Variants in VWA3B observed in about 807,000 individuals in gnomAD.
VWA3B encodes the protein von Willebrand factor A domain containing 3B, also known as von Willebrand factor A domain-containing protein 3B.
In VWA3B, 138 loss-of-function variants were observed where a neutral mutation model predicts 158.3. That is an observed-to-expected ratio of 0.87 (90% CI 0.76 to 1.00). The LOEUF is 1.00. Ranked by LOEUF, VWA3B falls within the 50% of genes least tolerant of loss-of-function variation. VWA3B has a pLI of 0.00. For synonymous variants in VWA3B, 596 were observed against 587.3 expected (o/e 1.01, Z -0.21); for missense variants, 1,555 against 1,565.1 (o/e 0.99, Z 0.11).
intron 14 of VWA3B, among the ~76,000 whole-genome samples, chr2:98,221,720 A>C (rs1241185256): frequency 6.6e-6 from 1 of 152,182 alleles, no homozygotes; most frequent in African/African-American, 2.4e-5. Flanking sequence ...CTGATCTCTC[A>C]TCCCTGAGTG....
Position 98,236,601 on chromosome 2 carries a change from G to A in VWA3B, c.2544G>A (p.Trp848Ter). 6.2e-7 allele frequency: 1 copy of A among 1,614,146 alleles called. No individual in the cohort carries two copies. Among genetic ancestry groups the A allele is most frequent in the Non-Finnish European group, 8.5e-7 (1 of 1,180,024 alleles). ...HDSSDVSSEN[W>*]LKTYGLVAKK... is the part of the protein sequence containing the mutation. ...CTTCAGATGTGTCTTCAGAAAACTG[G>A]CTGAAGACCTATGGCTTGGTCGCCA... Residue 848 changes from tryptophan (W) to a stop codon, truncating the protein, a stop_gained, in exon 19 of 28, where the codon TGG (tryptophan) becomes TGA (stop). Transcript: ENST00000477737. LOFTEE classifies it high-confidence loss of function.
the VWA3B span, among the ~76,000 whole-genome samples, chr2:98,320,519 G>A: frequency 1.3e-5 from 2 of 152,314 alleles, no homozygotes; most frequent in East Asian, 3.9e-4. Flanking sequence ...GAACTTCCTA[G>A]AGACTCATTG....
intron 22 of VWA3B, among the ~76,000 whole-genome samples, chr2:98,282,608 T>G (rs1688950544): frequency 6.6e-6 from 1 of 151,932 alleles, no homozygotes; most frequent in Non-Finnish European, 1.5e-5. Context: ...AGCTAATTTT[T>G]GTGTTTTTTT....
chr2:98,145,212 C>T (rs1677083958), intron 7 of VWA3B, among the ~76,000 whole-genome samples: 1 of 152,160 alleles, frequency 6.6e-6, no homozygotes, highest in African/African-American at 2.4e-5. Context: ...GACAAGATTC[C>T]TTGGATTGTA....
chr2:98,247,059 G>A (rs1179971551), intron 19 of VWA3B, among the ~76,000 whole-genome samples: 1 of 151,752 alleles, frequency 6.6e-6, no homozygotes, highest in Non-Finnish European at 1.5e-5. Context: ...GTGTAGTGGT[G>A]TGATCTCGGC....
chr2:98,322,990 A>G, the VWA3B span, among the ~76,000 whole-genome samples: 1 of 152,242 alleles, frequency 6.6e-6, no homozygotes, highest in South Asian at 2.1e-4. Context: ...CCACACACAC[A>G]CACACAAGAA....
At chr2:98,103,378 A>G (rs569670223) in intron 2 of VWA3B, among the ~76,000 whole-genome samples, 1 of 152,248 alleles carries the variant, frequency 6.6e-6, no homozygotes, top group African/African-American at 2.4e-5. Flanking sequence ...ATAAATTTAA[A>G]TAATTATTTT....
At chr2:98,129,224 A>AGAGTGTGTGT (rs1370543551) in intron 6 of VWA3B, among the ~76,000 whole-genome samples, 44 of 124,654 alleles carry the variant, frequency 3.5e-4, no homozygotes, top group African/African-American at 6.5e-4. Context: ...AGAGAGAGAG[A>AGAGTGTGTGT]GTGTGTGTGT....
chr2:98,256,057 G>A (rs1349586431), intron 20 of VWA3B, 67 bp from the exon 21 acceptor site: 9 of 1,583,602 alleles, frequency 5.7e-6, no homozygotes, highest in African/African-American at 2.7e-5. Context: ...GCGGTGCCTG[G>A]GGTTAACCTT....
intron 21 of VWA3B, among the ~76,000 whole-genome samples, chr2:98,265,541 A>G (rs368510910): frequency 6.6e-6 from 1 of 151,776 alleles, no homozygotes; most frequent in Admixed American, 6.6e-5. Context: ...TGATTTATAG[A>G]CCTTTGGGTA....
chr2:98,256,365 T>C (rs1038311385), intron 21 of VWA3B, among the ~76,000 whole-genome samples, 191 bp downstream of exon 21: 1 of 152,102 alleles, frequency 6.6e-6, no homozygotes, highest in African/African-American at 2.4e-5. Context: ...AATTAATCAC[T>C]CCCCATTCCT....
chr2:98,137,325 T>C (rs1222198745), intron 7 of VWA3B, among the ~76,000 whole-genome samples: 1 of 152,242 alleles, frequency 6.6e-6, no homozygotes, highest in Admixed American at 6.5e-5. Context: ...CTGTTTTTGA[T>C]AGTAGCCATC....
chr2:98,133,327 T>C (rs1189882498), intron 6 of VWA3B, among the ~76,000 whole-genome samples: 1 of 152,146 alleles, frequency 6.6e-6, no homozygotes, highest in East Asian at 1.9e-4. Flanking sequence ...GCCTGGCTCC[T>C]GGGGAAGTGT....
Position 98,188,109 on chromosome 2 carries a change from C to T in VWA3B, c.1446C>T (p.Ala482=). Residue 482 remains alanine, a synonymous_variant, in exon 10 of 28, where the codon GCC becomes GCT. Transcript: ENST00000477737. The part of the protein sequence containing the change: ...CKWYSERIHT[A]LARIRRRIKW... The stretch of plus-strand genomic sequence containing the variant: ...GGTACAGTGAGAGAATCCACACAGC[C>T]CTGGCCCGGATCCGAAGGAGGTTGG... 6.2e-7 allele frequency: 1 copy of T among 1,612,864 alleles called. No individual in the cohort carries two copies. The highest frequency in any genetic ancestry group is 2.2e-5 in the East Asian group (1 of 44,836).
At chr2:98,144,625 G>A (rs540339680) in intron 7 of VWA3B, among the ~76,000 whole-genome samples, 2 of 151,590 alleles carry the variant, frequency 1.3e-5, no homozygotes, top group Admixed American at 6.6e-5. Context: ...GTAGTGCAGT[G>A]GTGTGATCTC....
In VWA3B at chr2:98,228,249, T is replaced by A; in HGVS notation, c.2067T>A (p.Ser689Arg). ...TTAAGGAAATGGAACAGGGTCACAG[T>A]GATCTGGAGAAGATGCAAGACCTTT... is the stretch of plus-strand genomic sequence containing the variant. ...LLVKEMEQGH[S>R]DLEKMQDLYS... Residue 689 changes from serine to arginine, a missense_variant, in exon 15 of 28, where the codon AGT becomes AGA. Ser to Arg is a moderately radical substitution (Grantham distance 110). Transcript: ENST00000477737. 6.2e-7 allele frequency: 1 copy of A among 1,614,064 alleles called. No homozygotes were observed. Among genetic ancestry groups the A allele is most frequent in the Non-Finnish European group, 8.5e-7 (1 of 1,179,974 alleles).
At chr2:98,329,478 C>G in the VWA3B span, among the ~76,000 whole-genome samples, 2 of 151,926 alleles carry the variant, frequency 1.3e-5, no homozygotes, top group East Asian at 1.9e-4. Context: ...ATAACTCTTA[C>G]AACTCAGTAG....
At position 98,186,639 on chromosome 2, in the gene VWA3B, A is replaced by G. The variant is rs544915564; in HGVS notation, c.1312-1336A>G. Among the ~76,000 whole-genome samples the G allele has an allele frequency of 1.9e-4, 28 of 151,090 alleles. No individual in the cohort carries two copies. The South Asian group carries it at 5.9e-3, about 32-fold the overall frequency. On this transcript the variant is annotated intron_variant, in intron 9 of 27. Transcript: ENST00000477737. ...ATACACACATCTGATCTCTCGGTGA[A>G]CGCTGTCGGTTCTGTTTTCAGAACG...
In VWA3B at chr2:98,179,215, C is replaced by G. The variant is rs140208858; in HGVS notation, c.1115-1801C>G. Reference sequence around the variant, plus strand: ...ACAGTTCCTCACCCCTCCTTTGTGTCCACCCCTGAGTAGCTCATTCTCCCT... The same window carrying G: ...ACAGTTCCTCACCCCTCCTTTGTGTGCACCCCTGAGTAGCTCATTCTCCCT... On this transcript the variant is annotated intron_variant, in intron 8 of 27. Coordinates refer to ENST00000477737, the MANE Select transcript of VWA3B (RefSeq NM_144992.5). 668 of 471,168 alleles carry G rather than the reference C, an allele frequency of 1.4e-3. 4 individuals are homozygous for G. The highest frequency in any genetic ancestry group is 0.011 in the African/African-American group (562 of 50,178). The allele number at this position is 471,168 out of a possible 1,614,324, so 29.2% of individuals were successfully genotyped here.
Sources: allele counts gnomAD v4.1 joint callset (sites outside exome capture counted in the v4.1 genomes callset), GRCh38; gene constraint gnomAD v4.1.1; transcripts MANE v1.5; gene names NCBI Gene and HGNC (gene_info 2026-07-23, HGNC 2026-07-21).